Variants in RFTN1 observed in about 807,000 individuals in gnomAD.
RFTN1 encodes the protein raftlin.
RFTN1 carries 26 observed loss-of-function variants against 46.5 expected under a neutral mutation model. The observed-to-expected ratio is 0.56, with a 90% confidence interval of 0.41 to 0.78. The LOEUF (loss-of-function observed/expected upper bound fraction) is 0.78, where lower values mean the gene tolerates loss of function less well. Ranked by LOEUF, RFTN1 falls within the 30% of genes least tolerant of loss-of-function variation. RFTN1 has a pLI of 0.00. For missense variants in RFTN1, 693 were observed against 718.7 expected (o/e 0.96, Z 0.41); for synonymous variants, 261 against 284.2 (o/e 0.92, Z 0.82).
chr3:16,327,586 C>T lies in RFTN1; in HGVS notation c.1147-710G>A, dbSNP rs900307260. On this transcript the variant is annotated intron_variant, in intron 7 of 9. Coordinates refer to ENST00000334133, the MANE Select transcript of RFTN1 (RefSeq NM_015150.2). This position sits in a 1 kb window ranked among gnomAD's most constrained non-coding sequence, Gnocchi z 4.2. ...CATCCTGGCTAACACAGTGAAACCC[C>T]GTCTCTACTAAAAATACAAAAAAAA... Among the ~76,000 whole-genome samples, 2 of 151,960 alleles carry T rather than the reference C, an allele frequency of 1.3e-5. No homozygotes were observed. Among genetic ancestry groups the T allele is most frequent in the Non-Finnish European group, 2.9e-5 (2 of 67,966 alleles).
rs145309962 is a variant in RFTN1 at position 16,317,051 on chromosome 3, G to A, written c.1514C>T (p.Ser505Phe). The A allele has an allele frequency of 2.4e-5, 38 of 1,613,670 alleles. No homozygotes were observed. Among genetic ancestry groups the A allele is most frequent in the South Asian group, 1.2e-4 (11 of 91,068 alleles). Residue 505 changes from serine to phenylalanine, a missense_variant, in exon 10 of 10, where the codon TCC becomes TTC. By Grantham distance (155) the Ser-to-Phe change is radical. Coordinates refer to ENST00000334133, the MANE Select transcript of RFTN1 (RefSeq NM_015150.2). The surrounding 1 kb of genome is among the most constrained non-coding windows in gnomAD (Gnocchi z 4.3). ...TTGGACAGGGCCCTTCATCTCCTCG[G>A]AGACTCCACCCTCCTGCTGCTGTCC... Reference protein sequence around the residue: ...VSGQQQEGGVSEEMKGPVQED... With the variant: ...VSGQQQEGGVFEEMKGPVQED...
chr3:16,511,944 T>C (rs1418788165), intron 1 of RFTN1, among the ~76,000 whole-genome samples: 4 of 152,044 alleles, frequency 2.6e-5, no homozygotes, highest in Non-Finnish European at 5.9e-5. Context: ...GATATACAAA[T>C]GCAGCCAGAG....
rs943870122 is a variant in RFTN1, at chr3:16,402,219, C to T, written c.441+7156G>A. Among the ~76,000 whole-genome samples, 4 of 152,206 alleles carry T rather than the reference C, an allele frequency of 2.6e-5. No individual in the cohort carries two copies. Among genetic ancestry groups the T allele is most frequent in the Non-Finnish European group, 5.9e-5 (4 of 68,040 alleles). ...GGCACCTCTCTCTCCTTCAATGACA[C>T]GAAGGTTTAGTGAGTATTCCTCTTT... On this transcript the variant is annotated intron_variant, in intron 4 of 9. Coordinates refer to ENST00000334133, the MANE Select transcript of RFTN1 (RefSeq NM_015150.2). The surrounding 1 kb of genome is among the most constrained non-coding windows in gnomAD (Gnocchi z 4.5).
In RFTN1 at chr3:16,348,264, CATT is replaced by C. The variant is rs1177771530; in HGVS notation, c.1146+9665_1146+9667del. On this transcript the variant is annotated intron_variant, in intron 7 of 9. Transcript: ENST00000334133. The surrounding 1 kb of genome is among the most constrained non-coding windows in gnomAD (Gnocchi z 6.3). ...GAAGCCGAGGCATCTAGATCACTGA[CATT>C]ATCCATAATCAGAGGCGTCTAGGAG... Among the ~76,000 whole-genome samples the C allele has an allele frequency of 1.3e-5, 2 of 152,078 alleles. No individual in the cohort carries two copies. The highest frequency in any genetic ancestry group is 1.9e-4 in the East Asian group (1 of 5,196).
At chr3:16,359,032 C>CA (rs771185605) in intron 6 of RFTN1, among the ~76,000 whole-genome samples, 3,507 of 89,398 alleles carry the variant, frequency 0.039, 170 homozygotes, top group African/African-American at 0.11. Flanking sequence ...ATTCTGTCTC[C>CA]AAAAAAAAAA....
At position 16,408,230 on chromosome 3, in the gene RFTN1, C is replaced by T. The variant is rs576829778; in HGVS notation, c.441+1145G>A. Among the ~76,000 whole-genome samples the T allele has an allele frequency of 2.0e-5, 3 of 152,202 alleles. No individual in the cohort carries two copies. In the East Asian group the frequency reaches 5.8e-4, roughly 29 times the overall value. On this transcript the variant is annotated intron_variant, in intron 4 of 9. Coordinates refer to ENST00000334133, the MANE Select transcript of RFTN1 (RefSeq NM_015150.2). ...ACCTGTCCGAGCACAGCCGCATCCC[C>T]AAAGACACCCCGTCATCCTTCCCAT...
rs1422514395 is a variant in RFTN1, at chr3:16,336,270, G to A, written c.1147-9394C>T. Among the ~76,000 whole-genome samples, 1 of 152,238 alleles carries A rather than the reference G, an allele frequency of 6.6e-6. No homozygotes were observed. The highest frequency in any genetic ancestry group is 6.5e-5 in the Admixed American group (1 of 15,278). ...ATGAATCTCACATTCAGTCAGCCTG[G>A]CTCTGTCTGTGCCACTTGGGAAGCC... On this transcript the variant is annotated intron_variant, in intron 7 of 9. Coordinates refer to ENST00000334133, the MANE Select transcript of RFTN1 (RefSeq NM_015150.2). This position sits in a 1 kb window ranked among gnomAD's most constrained non-coding sequence, Gnocchi z 6.0.
In RFTN1 at chr3:16,446,736, G is replaced by C. The variant is rs1039837087; in HGVS notation, c.146-12699C>G. On this transcript the variant is annotated intron_variant, in intron 2 of 9. Transcript: ENST00000334133. This position sits in a 1 kb window ranked among gnomAD's most constrained non-coding sequence, Gnocchi z 4.5. ...AAACAGCAGAAAATGGAAAACAAGA[G>C]ATTTCCCAAAAAGTGCGGTACCCGA... 2.0e-5 allele frequency among the ~76,000 whole-genome samples: 3 copies of C among 152,144 alleles called. No homozygotes were observed. The highest frequency in any genetic ancestry group is 7.2e-5 in the African/African-American group (3 of 41,412).
chr3:16,453,680 C>T (rs1429377418), intron 2 of RFTN1, among the ~76,000 whole-genome samples: 1 of 152,070 alleles, frequency 6.6e-6, no homozygotes, highest in African/African-American at 2.4e-5. Context: ...ACGTATGTAA[C>T]GTATTTACTG....
rs1044589870 is a variant in RFTN1 at position 16,447,451 on chromosome 3, C to A, written c.146-13414G>T. Among the ~76,000 whole-genome samples, 1 of 152,154 alleles carries A rather than the reference C, an allele frequency of 6.6e-6. No homozygotes were observed. The highest frequency in any genetic ancestry group is 1.5e-5 in the Non-Finnish European group (1 of 68,034). On this transcript the variant is annotated intron_variant, in intron 2 of 9. Coordinates refer to ENST00000334133, the MANE Select transcript of RFTN1 (RefSeq NM_015150.2). This position sits in a 1 kb window ranked among gnomAD's most constrained non-coding sequence, Gnocchi z 5.9. ...CCATTAACCAATTTGCATGCAAAAT[C>A]GACATCAGCACTCTCTGGTCTATTT...
At chr3:16,392,603 T>C (rs35975950) in intron 4 of RFTN1, among the ~76,000 whole-genome samples, 24,920 of 150,372 alleles carry the variant, frequency 0.17, 2,339 homozygotes, top group East Asian at 0.3. Context: ...TATATAAAAG[T>C]ATATATTACA....
rs912615552 is a variant in RFTN1 at position 16,479,155 on chromosome 3, T to G, written c.145+14570A>C. ...TTGGCTCCCAAACCCAAGCACTGTA[T>G]AGTACTCTAACATTCCTTGCAGGTA... On this transcript the variant is annotated intron_variant, in intron 2 of 9. Transcript: ENST00000334133. This position sits in a 1 kb window ranked among gnomAD's most constrained non-coding sequence, Gnocchi z 5.1. Among the ~76,000 whole-genome samples, 1 of 152,194 alleles carries G rather than the reference T, an allele frequency of 6.6e-6. No homozygotes were observed. Among genetic ancestry groups the G allele is most frequent in the Non-Finnish European group, 1.5e-5 (1 of 68,040 alleles).
In RFTN1 at chr3:16,460,725, A is replaced by AT. The variant is rs1337155158; in HGVS notation, c.146-26689dup. Among the ~76,000 whole-genome samples, 1 of 152,162 alleles carries AT rather than the reference A, an allele frequency of 6.6e-6. No homozygotes were observed. Among genetic ancestry groups the AT allele is most frequent in the Non-Finnish European group, 1.5e-5 (1 of 68,024 alleles). The stretch of plus-strand genomic sequence containing the variant: ...CGTGAGCAGACGTCACTTGAGCCTC[A>AT]TTTTCCATGCCAAAATTCAGGATTT... On this transcript the variant is annotated intron_variant, in intron 2 of 9. Coordinates refer to ENST00000334133, the MANE Select transcript of RFTN1 (RefSeq NM_015150.2). The surrounding 1 kb of genome is among the most constrained non-coding windows in gnomAD (Gnocchi z 4.8).
At chr3:16,471,342 G>A (rs1460925008) in intron 2 of RFTN1, among the ~76,000 whole-genome samples, 1 of 152,172 alleles carries the variant, frequency 6.6e-6, no homozygotes, top group Admixed American at 6.5e-5. Context: ...TAGACAACCT[G>A]GGCTCAAATC....
At chr3:16,363,635 A>C (rs74324789) in intron 6 of RFTN1, among the ~76,000 whole-genome samples, 1,626 of 152,382 alleles carry the variant, frequency 0.011, 36 homozygotes, top group African/African-American at 0.037. Context: ...GTGCTTCGCC[A>C]AAGTCTAGCC....
In RFTN1 at chr3:16,359,161, GA is replaced by G. The variant is rs554343736; in HGVS notation, c.1031-1115del. Among the ~76,000 whole-genome samples, 261 of 152,244 alleles carry G rather than the reference GA, an allele frequency of 1.7e-3. 1 individual carries two copies. Among genetic ancestry groups the G allele is most frequent in the Admixed American group, 2.5e-3 (38 of 15,296 alleles). On this transcript the variant is annotated intron_variant, in intron 6 of 9. Transcript: ENST00000334133. ...ATGTCCTAGGTTCATTTTGATAAGG[GA>G]TTTGGGGGAAGAAGACTGACTTAGA...
At chr3:16,354,712 G>A (rs1457495190) in intron 7 of RFTN1, among the ~76,000 whole-genome samples, 1 of 152,224 alleles carries the variant, frequency 6.6e-6, no homozygotes, top group African/African-American at 2.4e-5. Context: ...AACGAAGCCA[G>A]GCTGAGAATT....
In RFTN1 at chr3:16,342,813, A is replaced by C. The variant is rs1027452228; in HGVS notation, c.1146+15119T>G. 4.6e-5 allele frequency among the ~76,000 whole-genome samples: 7 copies of C among 152,138 alleles called. No homozygotes were observed. The highest frequency in any genetic ancestry group is 1.4e-4 in the African/African-American group (6 of 41,426). On this transcript the variant is annotated intron_variant, in intron 7 of 9. Coordinates refer to ENST00000334133, the MANE Select transcript of RFTN1 (RefSeq NM_015150.2). The surrounding 1 kb of genome is among the most constrained non-coding windows in gnomAD (Gnocchi z 4.0). ...TTCAAGTTGGAAGGGGTCAGGGTGG[A>C]CCTCTAGTCCAGTGGCTGCTAGGCC... is the stretch of plus-strand genomic sequence containing the variant.
chr3:16,414,835 G>A lies in RFTN1; in HGVS notation c.333-5352C>T, dbSNP rs561400002. Among the ~76,000 whole-genome samples the A allele has an allele frequency of 9.7e-4, 148 of 152,296 alleles. 2 individuals are homozygous for A. In the South Asian group the frequency reaches 0.03, roughly 31 times the overall value. ...GCTCATGCAAAGGCCCTAAGCTGAGGGCATGCAAAGAAGCCCTGTGGCCGG... is the reference window on the plus strand; with the variant it reads ...GCTCATGCAAAGGCCCTAAGCTGAGAGCATGCAAAGAAGCCCTGTGGCCGG... On this transcript the variant is annotated intron_variant, in intron 3 of 9. Transcript: ENST00000334133.
Sources: allele counts gnomAD v4.1 joint callset (sites outside exome capture counted in the v4.1 genomes callset), GRCh38; gene constraint gnomAD v4.1.1; non-coding constraint Gnocchi (gnomAD v3.1); transcripts MANE v1.5; gene names NCBI Gene and HGNC (gene_info 2026-07-23, HGNC 2026-07-21).